TSPAN18: variants seen among roughly 807,000 people sequenced by gnomAD.
TSPAN18 encodes tetraspanin 18, also known as tetraspanin-18.
Under a neutral mutation model 27.3 loss-of-function variants are expected in TSPAN18, and 14 were observed. The ratio of observed to expected loss-of-function variants is 0.51; its 90% confidence interval spans 0.34 to 0.80. The LOEUF is 0.80. Ranked by LOEUF, TSPAN18 falls within the 30% of genes least tolerant of loss-of-function variation. The pLI, the probability that TSPAN18 is intolerant of heterozygous loss-of-function variation, is 0.01. For missense variants in TSPAN18, 268 were observed against 323.9 expected (o/e 0.83, Z 1.32); for synonymous variants, 143 against 136.5 (o/e 1.05, Z -0.33).
At chr11:44,910,665 G>C (rs925817242) in intron 5 of TSPAN18, among the ~76,000 whole-genome samples, 4 of 152,246 alleles carry the variant, frequency 2.6e-5, no homozygotes, top group African/African-American at 9.6e-5. Context: ...GAAACGGTAT[G>C]ATATGGCCTC....
At position 44,931,323 on chromosome 11, in the gene TSPAN18, CACAAAA is replaced by C. The variant is rs1366197520; in HGVS notation, c.*2159_*2164del. The C allele has an allele frequency of 4.8e-5, 9 of 187,598 alleles. No homozygotes were observed. The highest frequency in any genetic ancestry group is 2.0e-4 in the South Asian group (2 of 9,934). 11.6% of individuals were successfully genotyped at this position (187,598 alleles called of 1,614,324 possible). A position where few individuals can be genotyped will look rare whatever the true frequency, so the allele number is the denominator to read the frequency against. Reference sequence around the variant, plus strand: ...GCAAATGGCTGGTCTGAGGATGACACACAAAAACAAAAACAAAAAACAAAAAACCCA... The same window carrying C: ...GCAAATGGCTGGTCTGAGGATGACACACAAAAACAAAAAACAAAAAACCCA... On this transcript the variant is annotated 3_prime_UTR_variant, in exon 10 of 10. Transcript: ENST00000520358.
chr11:44,871,291 T>C (rs1232840365), intron 3 of TSPAN18, among the ~76,000 whole-genome samples: 2 of 152,150 alleles, frequency 1.3e-5, no homozygotes, highest in Non-Finnish European at 2.9e-5. Context: ...GTGAAGGCCA[T>C]CTTCGCCTTG....
chr11:44,751,140 T>C (rs556385026), intron 1 of TSPAN18, among the ~76,000 whole-genome samples: 2 of 151,852 alleles, frequency 1.3e-5, no homozygotes, highest in South Asian at 4.2e-4. Context: ...TGATGGGAGG[T>C]TCAGGAACAG....
chr11:44,836,184 G>A (rs745617341), intron 2 of TSPAN18, among the ~76,000 whole-genome samples: 8 of 152,210 alleles, frequency 5.3e-5, no homozygotes, highest in South Asian at 2.1e-4. Flanking sequence ...GAGACAGGCC[G>A]AAAGCTAGGC....
chr11:44,742,692 C>G (rs1407936203), intron 1 of TSPAN18, among the ~76,000 whole-genome samples: 3 of 152,224 alleles, frequency 2.0e-5, no homozygotes, highest in Non-Finnish European at 4.4e-5. Flanking sequence ...TGTTTCTGCT[C>G]CCCTGTTCTC....
At chr11:44,817,593 G>C (rs918583908) in intron 2 of TSPAN18, among the ~76,000 whole-genome samples, 1 of 152,210 alleles carries the variant, frequency 6.6e-6, no homozygotes, top group African/African-American at 2.4e-5. Flanking sequence ...GACCCTCCCA[G>C]CCTTGGGCAC....
chr11:44,931,845 T>G lies in TSPAN18; in HGVS notation c.*2667T>G, dbSNP rs1217638998. On this transcript the variant is annotated 3_prime_UTR_variant, in exon 10 of 10. Coordinates refer to ENST00000520358, the MANE Select transcript of TSPAN18 (RefSeq NM_130783.5). The stretch of plus-strand genomic sequence containing the variant: ...GGGGAGGGGTGGGCAGGGATACCTC[T>G]TTGTTTCTTTTCACCCCGAAATACA... The G allele has an allele frequency of 6.6e-6, 1 of 152,124 alleles. No individual in the cohort carries two copies. Among genetic ancestry groups the G allele is most frequent in the Non-Finnish European group, 1.5e-5 (1 of 68,042 alleles). The allele number at this position is 152,124 out of a possible 1,614,324, so 9.4% of individuals were successfully genotyped here.
At chr11:44,854,200 T>G (rs866591596) in intron 2 of TSPAN18, among the ~76,000 whole-genome samples, 614 of 76,702 alleles carry the variant, frequency 8.0e-3, no homozygotes, top group East Asian at 0.014. Flanking sequence ...GGGCAGGGGG[T>G]GGGGGGGGGG....
At chr11:44,851,649 C>T (rs1857609074) in intron 2 of TSPAN18, among the ~76,000 whole-genome samples, 1 of 149,910 alleles carries the variant, frequency 6.7e-6, no homozygotes, top group Admixed American at 6.7e-5. Flanking sequence ...TGTCTACCTC[C>T]CTCCTCTCTC....
chr11:44,767,210 G>A (rs1233513139), intron 2 of TSPAN18, among the ~76,000 whole-genome samples: 2 of 152,204 alleles, frequency 1.3e-5, no homozygotes, highest in Admixed American at 6.5e-5. Flanking sequence ...TCAAGTATGA[G>A]CAGTTCATCC....
chr11:44,835,766 G>C (rs1350723436), intron 2 of TSPAN18, among the ~76,000 whole-genome samples: 1 of 152,174 alleles, frequency 6.6e-6, no homozygotes, highest in African/African-American at 2.4e-5. Flanking sequence ...AAATCTATCA[G>C]CACCATTTTT....
intron 3 of TSPAN18, among the ~76,000 whole-genome samples, chr11:44,882,620 A>ACACG (rs1858523165): frequency 7.9e-6 from 1 of 126,620 alleles, no homozygotes; most frequent in Non-Finnish European, 1.8e-5. Context: ...ACACACACAC[A>ACACG]CACACACAGA....
rs991694588 is a variant in TSPAN18, at chr11:44,850,349, G to C, written c.-152-9979G>C. Among the ~76,000 whole-genome samples, 4 of 152,146 alleles carry C rather than the reference G, an allele frequency of 2.6e-5. 1 individual carries two copies. The South Asian group carries it at 8.3e-4, about 32-fold the overall frequency. On this transcript the variant is annotated intron_variant, in intron 2 of 9. Transcript: ENST00000520358. The stretch of plus-strand genomic sequence containing the variant: ...GATGACAATTCCGTGTCCTTGTGTG[G>C]TTGGGGTGTGGTCAGGAAAGTTCTC...
At chr11:44,827,731 A>G (rs908488400) in intron 2 of TSPAN18, among the ~76,000 whole-genome samples, 3 of 152,220 alleles carry the variant, frequency 2.0e-5, no homozygotes, top group African/African-American at 7.2e-5. Context: ...CCATGTGGGA[A>G]GCTCAGTGTG....
At chr11:44,792,948 G>GTCAAGT (rs1186330378) in intron 2 of TSPAN18, among the ~76,000 whole-genome samples, 1 of 152,124 alleles carries the variant, frequency 6.6e-6, no homozygotes, top group Non-Finnish European at 1.5e-5. Flanking sequence ...AAGGCGTCTC[G>GTCAAGT]TGTGACTCAA....
intron 2 of TSPAN18, among the ~76,000 whole-genome samples, chr11:44,831,357 A>G (rs1404448471): frequency 6.6e-6 from 1 of 152,158 alleles, no homozygotes; most frequent in Non-Finnish European, 1.5e-5. Flanking sequence ...GAGTCAGACA[A>G]AAGATGTGGC....
chr11:44,903,867 C>G (rs1433129381), intron 3 of TSPAN18: 1 of 456,682 alleles, frequency 2.2e-6, no homozygotes, highest in Non-Finnish European at 4.4e-6. Context: ...GTCACCTCGC[C>G]TCTGTCTGAC....
At chr11:44,825,606 C>T (rs1438483044) in intron 2 of TSPAN18, among the ~76,000 whole-genome samples, 3 of 152,158 alleles carry the variant, frequency 2.0e-5, no homozygotes, top group Non-Finnish European at 2.9e-5. Context: ...GTGAAGTCTC[C>T]TGACAGACTC....
At chr11:44,880,560 TC>T (rs1353057466) in intron 3 of TSPAN18, among the ~76,000 whole-genome samples, 2 of 152,136 alleles carry the variant, frequency 1.3e-5, no homozygotes, top group African/African-American at 2.4e-5. Flanking sequence ...GGTCTGATAG[TC>T]CCCTCTGAAC....
Sources: gnomAD v4.1 joint callset for allele counts (sites outside exome capture counted in the v4.1 genomes callset) on GRCh38, gnomAD v4.1.1 for gene constraint, MANE v1.5 for transcripts, NCBI Gene and HGNC (gene_info 2026-07-23, HGNC 2026-07-21) for gene names.